DISC1: variants seen among roughly 807,000 people sequenced by gnomAD.
The protein encoded by DISC1 is DISC1 scaffold protein.
DISC1 carries 57 observed loss-of-function variants against 84.5 expected under a neutral mutation model. The ratio of observed to expected loss-of-function variants is 0.67; its 90% CI spans 0.55 to 0.84. DISC1 has a LOEUF of 0.84. DISC1 is among the 40% of genes least tolerant of loss of function. DISC1 has a pLI of 0.00. For missense variants in DISC1, 1,000 were observed against 1,057.8 expected (o/e 0.95, Z 0.76); for synonymous variants, 411 against 415.2 (o/e 0.99, Z 0.12).
intron 3 of DISC1, among the ~76,000 whole-genome samples, chr1:231,747,818 TAG>T (rs2074175435): frequency 6.6e-6 from 1 of 152,172 alleles, no homozygotes; most frequent in African/African-American, 2.4e-5. Context: ...GGTATTTTGA[TAG>T]AGATTGCACT....
chr1:232,020,061 GC>G (rs1668818824), intron 11 of DISC1, among the ~76,000 whole-genome samples: 1 of 152,090 alleles, frequency 6.6e-6, no homozygotes, highest in African/African-American at 2.4e-5. Context: ...TGACTCTTTG[GC>G]CAGGTGCGGT....
At chr1:231,866,279 T>A (rs953755419) in intron 9 of DISC1, among the ~76,000 whole-genome samples, 7 of 152,180 alleles carry the variant, frequency 4.6e-5, no homozygotes, top group Non-Finnish European at 8.8e-5. Flanking sequence ...CAGTTTCAGC[T>A]CTGCCATTGA....
intron 10 of DISC1, among the ~76,000 whole-genome samples, chr1:231,988,148 T>C (rs1340099851): frequency 2.0e-5 from 3 of 152,236 alleles, no homozygotes; most frequent in Admixed American, 6.5e-5. Flanking sequence ...ATCGCGCCAC[T>C]GCACTCCAGC....
chr1:231,702,509 G>A (rs202069661), intron 3 of DISC1: 207 of 986,312 alleles, frequency 2.1e-4, no homozygotes, highest in Non-Finnish European at 2.4e-4. Flanking sequence ...GTGAATTTGA[G>A]AAATGTCAGA....
intron 1 of DISC1, among the ~76,000 whole-genome samples, chr1:231,664,618 C>A (rs542847934): frequency 1.3e-5 from 2 of 152,180 alleles, no homozygotes; most frequent in African/African-American, 4.8e-5. Context: ...GAGAAAGGGA[C>A]CAAAGCCAAG....
chr1:231,758,889 G>A (rs2075382250), intron 4 of DISC1, among the ~76,000 whole-genome samples: 1 of 152,182 alleles, frequency 6.6e-6, no homozygotes, highest in Non-Finnish European at 1.5e-5. Flanking sequence ...GGTCCTATTT[G>A]TAACCGAAAT....
At chr1:231,981,917 T>C (rs1663660055) in intron 10 of DISC1, among the ~76,000 whole-genome samples, 1 of 152,102 alleles carries the variant, frequency 6.6e-6, no homozygotes, top group South Asian at 2.1e-4. Context: ...TTAAGTGTGA[T>C]GAAACAAGTA....
chr1:231,762,384 G>A (rs906815243), intron 4 of DISC1, among the ~76,000 whole-genome samples: 2 of 151,292 alleles, frequency 1.3e-5, no homozygotes, highest in African/African-American at 4.9e-5. Context: ...GCCTAGGCTG[G>A]GGTGCAGCAG....
intron 3 of DISC1, among the ~76,000 whole-genome samples, chr1:231,720,080 A>T (rs1451233944): frequency 6.6e-6 from 1 of 152,156 alleles, no homozygotes; most frequent in Non-Finnish European, 1.5e-5. Context: ...CCTGTTTGCT[A>T]CCGAGCGTGG....
At chr1:231,967,390 T>C (rs1358246735) in intron 10 of DISC1, among the ~76,000 whole-genome samples, 1 of 152,258 alleles carries the variant, frequency 6.6e-6, no homozygotes, top group Non-Finnish European at 1.5e-5. Context: ...ATAATTTCTA[T>C]TTTATGCTTC....
intron 9 of DISC1, among the ~76,000 whole-genome samples, chr1:231,922,448 G>C (rs1423706317): frequency 2.0e-5 from 3 of 152,140 alleles, no homozygotes; most frequent in Non-Finnish European, 4.4e-5. Context: ...CCCTTTCACA[G>C]ATGAAGAATG....
chr1:232,016,825 C>T (rs1020319559), intron 11 of DISC1, among the ~76,000 whole-genome samples: 7 of 152,180 alleles, frequency 4.6e-5, no homozygotes, highest in Admixed American at 1.3e-4. Flanking sequence ...TTACCACTGA[C>T]GACATCTGGA....
At chr1:231,993,754 G>GA (rs938783413) in intron 10 of DISC1, among the ~76,000 whole-genome samples, 6 of 151,936 alleles carry the variant, frequency 3.9e-5, no homozygotes, top group East Asian at 1.9e-4. Flanking sequence ...AGGAAACCAT[G>GA]AAAAAAAATG....
intron 9 of DISC1, among the ~76,000 whole-genome samples, chr1:231,854,339 T>C (rs551911169): frequency 2.6e-5 from 4 of 152,222 alleles, no homozygotes; most frequent in Non-Finnish European, 5.9e-5. Flanking sequence ...ATGATAGATG[T>C]GATATATAGA....
intron 1 of DISC1, chr1:231,670,887 C>A (rs1259541405): frequency 6.6e-6 from 1 of 152,166 alleles, no homozygotes; most frequent in Non-Finnish European, 1.5e-5. Context: ...GTTTTAGTAT[C>A]CAAATCCATG....
At chr1:231,951,164 A>G (rs1032210013) in intron 9 of DISC1, among the ~76,000 whole-genome samples, 3 of 152,212 alleles carry the variant, frequency 2.0e-5, no homozygotes, top group African/African-American at 7.2e-5. Flanking sequence ...GAAGTTACTT[A>G]CTATAACTCA....
intron 11 of DISC1, among the ~76,000 whole-genome samples, chr1:232,018,716 G>A (rs1022365675): frequency 2.0e-5 from 3 of 152,094 alleles, no homozygotes; most frequent in African/African-American, 4.8e-5. Context: ...TGGCTGAGTC[G>A]GTGCTACTGA....
intron 3 of DISC1, among the ~76,000 whole-genome samples, chr1:231,716,418 T>C (rs2068734658): frequency 6.6e-6 from 1 of 152,068 alleles, no homozygotes; most frequent in African/African-American, 2.4e-5. Context: ...ACTCTTCACA[T>C]TGTCGTATGG....
At chr1:231,801,805 A>G (rs2079283213) in intron 8 of DISC1, among the ~76,000 whole-genome samples, 1 of 151,746 alleles carries the variant, frequency 6.6e-6, no homozygotes, top group African/African-American at 2.4e-5. Context: ...AGCCCTATTG[A>G]ATGGAAAGGA....
Sources: allele counts gnomAD v4.1 joint callset (sites outside exome capture counted in the v4.1 genomes callset), GRCh38; gene constraint gnomAD v4.1.1; transcripts MANE v1.5; gene names NCBI Gene and HGNC (gene_info 2026-07-23, HGNC 2026-07-21).